VPS13C: variants seen among roughly 807,000 people sequenced by gnomAD.
The protein encoded by VPS13C is vacuolar protein sorting 13 homolog C.
Under a neutral mutation model 456.8 loss-of-function variants are expected in VPS13C, and 358 were observed. The observed-to-expected ratio is 0.78, with a 90% CI of 0.72 to 0.86. The LOEUF is 0.86. Ranked by LOEUF, VPS13C falls within the 40% of genes least tolerant of loss-of-function variation. VPS13C has a pLI of 0.00. For missense variants in VPS13C, 4,818 were observed against 4,385.4 expected, an observed-to-expected ratio of 1.10 and a Z score of -2.79; for synonymous variants, 1,578 against 1,486.7, an observed-to-expected ratio of 1.06 and a Z score of -1.41.
At chr15:61,965,346 A>G (rs929376467) in intron 30 of VPS13C, among the ~76,000 whole-genome samples, 1 of 151,942 alleles carries the variant, frequency 6.6e-6, no homozygotes, top group Non-Finnish European at 1.5e-5. Context: ...TCAAATCACA[A>G]TAATGGTGTT....
At chr15:61,929,807 G>T in intron 50 of VPS13C, 59 bp from the exon 51 acceptor site, 1 of 1,468,970 alleles carries the variant, frequency 6.8e-7, no homozygotes. Flanking sequence ...AAAAGATGAA[G>T]AATTTCCTAT....
intron 3 of VPS13C, among the ~76,000 whole-genome samples, chr15:62,039,098 G>C (rs2048156684): frequency 6.6e-6 from 1 of 152,026 alleles, no homozygotes; most frequent in African/African-American, 2.4e-5. Flanking sequence ...GTACCTAAAA[G>C]AAAATAAGTC....
chr15:61,992,517 T>C (rs1283625343), intron 16 of VPS13C, among the ~76,000 whole-genome samples: 2 of 152,166 alleles, frequency 1.3e-5, no homozygotes, highest in Non-Finnish European at 2.9e-5. Flanking sequence ...ATTGTAAGCC[T>C]CTGTGTGTAA....
chr15:61,865,218 T>C (rs888115605), intron 81 of VPS13C: 1 of 984,476 alleles, frequency 1.0e-6, no homozygotes, highest in Non-Finnish European at 1.2e-6. Flanking sequence ...ATTCAATTTT[T>C]TCAAGTAAAT....
At chr15:61,992,220 C>A (rs1341633632) in intron 16 of VPS13C, among the ~76,000 whole-genome samples, 1 of 152,136 alleles carries the variant, frequency 6.6e-6, no homozygotes, top group Non-Finnish European at 1.5e-5. Context: ...ATATACAATG[C>A]TGGCTTGCTA....
Position 61,869,493 on chromosome 15 carries a change from C to G in VPS13C, c.10748+7G>C. On this transcript the variant is annotated splice_region_variant and intron_variant, in intron 80 of 84. Transcript: ENST00000644861. The stretch of plus-strand genomic sequence containing the variant: ...ACATACCTTGCACATAGTATGTACT[C>G]AATTACCTCTGAATGCCTTGGAAGG... 1 of 1,613,968 alleles carries G rather than the reference C, an allele frequency of 6.2e-7. No individual in the cohort carries two copies. The highest frequency in any genetic ancestry group is 8.5e-7 in the Non-Finnish European group (1 of 1,179,936).
rs199730193 is a variant in VPS13C at position 61,922,376 on chromosome 15, T to C, written c.6975+21A>G. 1,475 of 1,594,310 alleles carry C rather than the reference T, an allele frequency of 9.3e-4. 2 individuals carry two copies. Among genetic ancestry groups the C allele is most frequent in the Admixed American group, 1.7e-3 (94 of 56,542 alleles). Reference sequence around the variant, plus strand: ...CGCACTTTCAAGAAGTCTCTGAAGGTATTAAGTGATGTGGCCATACCTGTA... The same window carrying C: ...CGCACTTTCAAGAAGTCTCTGAAGGCATTAAGTGATGTGGCCATACCTGTA... On this transcript the variant is annotated intron_variant, in intron 54 of 84. Coordinates refer to ENST00000644861, the MANE Select transcript of VPS13C (RefSeq NM_020821.3).
rs1363797251 is a variant in VPS13C at position 62,060,341 on chromosome 15, T to G, written c.34A>C (p.Asn12His). 6.2e-7 allele frequency: 1 copy of G among 1,605,480 alleles called. No individual in the cohort carries two copies. The highest frequency in any genetic ancestry group is 2.3e-5 in the East Asian group (1 of 44,112). ...TCCACATAGTCCCCCAGGAAGCGGT[T>G]CAGCAAGTCCGCGACCACCGACTCC... ...VLESVVADLL[N>H]RFLGDYVENL... Residue 12 changes from asparagine (N) to histidine (H), a missense_variant, in exon 1 of 85, where the codon AAC (asparagine) becomes CAC (histidine). Asn to His is a moderately conservative substitution (Grantham distance 68). This residue lies in a region of VPS13C where 4,552 missense variants were observed against 4,130.6 expected (regional missense o/e 1.10). Transcript: ENST00000644861.
Position 61,920,259 on chromosome 15 carries a change from C to T in VPS13C, c.7285G>A (p.Ala2429Thr), listed in dbSNP as rs781048790. The change falls in exon 57 of 85, where the codon GCT becomes ACT. Residue 2429 changes from alanine (A) to threonine (T), a missense_variant. Coordinates refer to ENST00000644861, the MANE Select transcript of VPS13C (RefSeq NM_020821.3). ...TTCACCTTAATGGGAACACCTACAG[C>T]ATTTTTTACCGTAAAAGGAGCTCTG... ...KDRAPFTVKN[A>T]VGVPIKVKPN... 19 of 1,613,418 alleles carry T rather than the reference C, an allele frequency of 1.2e-5. No homozygotes were observed. The highest frequency in any genetic ancestry group is 1.6e-4 in the Middle Eastern group (1 of 6,062).
rs577184190 is a variant in VPS13C at position 61,951,530 on chromosome 15, T to C, written c.4456+294A>G. Among the ~76,000 whole-genome samples the C allele has an allele frequency of 2.6e-5, 4 of 152,308 alleles. No homozygotes were observed. The East Asian group carries it at 7.7e-4, about 29-fold the overall frequency. On this transcript the variant is annotated intron_variant, in intron 39 of 84. Coordinates refer to ENST00000644861, the MANE Select transcript of VPS13C (RefSeq NM_020821.3). ...ATTAATTTTTTCCTCTATATACTTTTGTATTTGATTTTCATTTTTCACAAA... is the reference window on the plus strand; with the variant it reads ...ATTAATTTTTTCCTCTATATACTTTCGTATTTGATTTTCATTTTTCACAAA...
At chr15:61,904,589 G>T (rs537537828) in intron 66 of VPS13C, among the ~76,000 whole-genome samples, 1 of 151,926 alleles carries the variant, frequency 6.6e-6, no homozygotes, top group Admixed American at 6.6e-5. Flanking sequence ...ACAGTATGGA[G>T]TTTCCTCAAA....
At chr15:61,980,075 T>C (rs1395579302) in intron 22 of VPS13C, among the ~76,000 whole-genome samples, 1 of 149,448 alleles carries the variant, frequency 6.7e-6, no homozygotes, top group Non-Finnish European at 1.5e-5. Flanking sequence ...TCCCAGATAC[T>C]TGTGAGGCTG....
chr15:62,041,427 C>T (rs1295640354), intron 2 of VPS13C, 61 bp from the exon 3 acceptor site: 6 of 1,496,036 alleles, frequency 4.0e-6, no homozygotes, highest in Non-Finnish European at 5.5e-6. Context: ...CCAAAAATCA[C>T]TTTTGTGTGA....
At chr15:62,050,923 G>A (rs1175582356) in intron 1 of VPS13C, among the ~76,000 whole-genome samples, 1 of 151,170 alleles carries the variant, frequency 6.6e-6, no homozygotes, top group Non-Finnish European at 1.5e-5. Flanking sequence ...ATGAAGAGTT[G>A]GAGTCATCGC....
At chr15:61,969,277 T>G (rs1346639875) in intron 28 of VPS13C, 22 bp downstream of exon 28, 1 of 1,529,236 alleles carries the variant, frequency 6.5e-7, no homozygotes, top group African/African-American at 1.4e-5. Flanking sequence ...TAGGCTATTA[T>G]TTCTATTTTT....
At chr15:61,873,985 A>G (rs1276371804) in intron 77 of VPS13C, among the ~76,000 whole-genome samples, 1 of 143,662 alleles carries the variant, frequency 7.0e-6, no homozygotes, top group African/African-American at 2.5e-5. Flanking sequence ...CACAAACAGA[A>G]TACTACTCAG....
chr15:62,001,583 T>C (rs139948780), intron 15 of VPS13C, among the ~76,000 whole-genome samples: 91 of 152,316 alleles, frequency 6.0e-4, no homozygotes, highest in African/African-American at 2.1e-3. Flanking sequence ...GTTAGTTACA[T>C]ATGTATACAT....
chr15:61,966,210 T>A, intron 29 of VPS13C, 68 bp from the exon 30 acceptor site: 1 of 1,066,662 alleles, frequency 9.4e-7, no homozygotes, highest in Non-Finnish European at 1.4e-6. Context: ...TTATTTATTA[T>A]CTCTGGTTAA....
intron 75 of VPS13C, 137 bp downstream of exon 75, chr15:61,876,836 T>G: frequency 1.7e-6 from 1 of 576,384 alleles, no homozygotes; most frequent in Non-Finnish European, 2.8e-6. Flanking sequence ...AATTAATCAT[T>G]GAAGAAAGCC....
Sources: gnomAD v4.1 joint callset for allele counts (sites outside exome capture counted in the v4.1 genomes callset) on GRCh38, gnomAD v4.1.1 for gene constraint, gnomAD v4.1.1 regional missense constraint, MANE v1.5 for transcripts, NCBI Gene and HGNC (gene_info 2026-07-23, HGNC 2026-07-21) for gene names.